The following CALN1 variants were observed in gnomAD, a reference collection of about 807,000 sequenced individuals.
CALN1 encodes calneuron 1, also known as calcium-binding protein 8.
CALN1 carries 17 observed loss-of-function variants against 30.6 expected under a neutral mutation model. That is an observed-to-expected ratio of 0.56 (90% CI 0.38 to 0.83). The LOEUF is 0.83. Among genes scored for constraint, CALN1 ranks in the 40% least tolerant of loss-of-function variants. CALN1 has a pLI of 0.00. For synonymous variants in CALN1, 156 were observed against 131.4 expected (o/e 1.19, Z -1.28); for missense variants, 291 against 354.9 (o/e 0.82, Z 1.45).
intron 2 of CALN1, among the ~76,000 whole-genome samples, chr7:72,376,777 C>T (rs776344995): frequency 1.3e-5 from 2 of 152,170 alleles, no homozygotes; most frequent in South Asian, 4.1e-4. Context: ...TAGGAAATTG[C>T]TGCCTAACCC....
rs376093442 is a variant in CALN1, at chr7:72,062,511, C to CAA, written c.389-38744_389-38743dup. Among the ~76,000 whole-genome samples, 503 of 59,140 alleles carry CAA rather than the reference C, an allele frequency of 8.5e-3. 15 individuals are homozygous for CAA. The highest frequency in any genetic ancestry group is 0.021 in the Middle Eastern group (2 of 96). The allele number at this position is 59,140 out of a possible 152,430, so 38.8% of individuals were successfully genotyped here. On this transcript the variant is annotated intron_variant, in intron 4 of 6. Coordinates refer to ENST00000395275, the MANE Select transcript of CALN1 (RefSeq NM_031468.4). Reference sequence around the variant, plus strand: ...TGGACGACAGAGTGAGACTCTATCTCAAAAAAAAAAAAAAAAAAAGAAAAA... The same window carrying CAA: ...TGGACGACAGAGTGAGACTCTATCTCAAAAAAAAAAAAAAAAAAAAAGAAAAA...
At chr7:72,012,258 C>T (rs1800123531) in intron 5 of CALN1, among the ~76,000 whole-genome samples, 1 of 152,156 alleles carries the variant, frequency 6.6e-6, no homozygotes, top group African/African-American at 2.4e-5. Context: ...TGGCTCAAAC[C>T]TATAATCCCA....
chr7:72,242,631 T>TA (rs1794914810), intron 3 of CALN1, among the ~76,000 whole-genome samples: 1 of 152,218 alleles, frequency 6.6e-6, no homozygotes, highest in Non-Finnish European at 1.5e-5. Flanking sequence ...CTCAAACATG[T>TA]AATCCTAACA....
At chr7:72,137,007 G>C (rs563413016) in intron 3 of CALN1, among the ~76,000 whole-genome samples, 98 of 152,276 alleles carry the variant, frequency 6.4e-4, no homozygotes, top group African/African-American at 2.1e-3. Flanking sequence ...GTTAAGGACA[G>C]GTTTATTTTA....
At chr7:72,158,658 CTTCTT>C (rs1787891110) in intron 3 of CALN1, among the ~76,000 whole-genome samples, 1 of 152,142 alleles carries the variant, frequency 6.6e-6, no homozygotes, top group African/African-American at 2.4e-5. Context: ...ACACATCCCT[CTTCTT>C]TGCTTGATGT....
intron 5 of CALN1, among the ~76,000 whole-genome samples, chr7:71,973,332 C>G (rs1284954611): frequency 6.6e-6 from 1 of 152,072 alleles, no homozygotes; most frequent in South Asian, 2.1e-4. Context: ...CGCACCATCA[C>G]GCCGAGCTAA....
chr7:72,326,268 T>C (rs1801271025), intron 2 of CALN1, among the ~76,000 whole-genome samples: 2 of 152,200 alleles, frequency 1.3e-5, no homozygotes, highest in African/African-American at 4.8e-5. Context: ...AAAGGTTGCT[T>C]GTCTTGGATA....
chr7:72,403,996 C>CTGG (rs1806529906), intron 1 of CALN1, among the ~76,000 whole-genome samples: 1 of 152,176 alleles, frequency 6.6e-6, no homozygotes, highest in Non-Finnish European at 1.5e-5. Context: ...ATCCCATTAC[C>CTGG]AGCTCCAGGG....
chr7:71,830,599 C>CG (rs1789215899), intron 5 of CALN1, among the ~76,000 whole-genome samples: 1 of 152,134 alleles, frequency 6.6e-6, no homozygotes, highest in Non-Finnish European at 1.5e-5. Flanking sequence ...CCACCTGCCT[C>CG]GGCCTCCCAA....
At position 72,205,551 on chromosome 7, in the gene CALN1, A is replaced by AAATATATACATATATATACATATAT; in HGVS notation, c.244+73134_244+73135insATATATGTATATATATGTATATATT. Among the ~76,000 whole-genome samples, 69 of 83,036 alleles carry AAATATATACATATATATACATATAT rather than the reference A, an allele frequency of 8.3e-4. 8 individuals carry two copies. Among genetic ancestry groups the AAATATATACATATATATACATATAT allele is most frequent in the African/African-American group, 4.5e-3 (60 of 13,442 alleles). The allele number at this position is 83,036 out of a possible 152,430, so 54.5% of individuals were successfully genotyped here. A position where few individuals can be genotyped will look rare whatever the true frequency, so the allele number is the denominator to read the frequency against. ...ATTTTTCTCCTGATTGCAAAAAAAA[A>AAATATATACATATATATACATATAT]ATATATATATATATATGTATATATA... On this transcript the variant is annotated intron_variant, in intron 3 of 6. Transcript: ENST00000395275.
At chr7:71,868,801 T>C (rs35303282) in intron 5 of CALN1, among the ~76,000 whole-genome samples, 3,255 of 152,242 alleles carry the variant, frequency 0.021, 83 homozygotes, top group Admixed American at 0.08. Flanking sequence ...AGGACACAGA[T>C]TGAAACCATA....
At chr7:72,409,354 G>GCCA (rs1477446275) in intron 1 of CALN1, among the ~76,000 whole-genome samples, 1 of 151,458 alleles carries the variant, frequency 6.6e-6, no homozygotes, top group Non-Finnish European at 1.5e-5. Context: ...GTTGCTGAAG[G>GCCA]CCACAGAGGC....
At chr7:72,227,583 A>G (rs2129550355) in intron 3 of CALN1, among the ~76,000 whole-genome samples, 1 of 151,726 alleles carries the variant, frequency 6.6e-6, no homozygotes, top group South Asian at 2.1e-4. Context: ...GGTGGTAACA[A>G]TAGACATTGG....
At chr7:72,316,284 G>A (rs1337550269) in intron 2 of CALN1, among the ~76,000 whole-genome samples, 1 of 151,956 alleles carries the variant, frequency 6.6e-6, no homozygotes, top group African/African-American at 2.4e-5. Flanking sequence ...TGAAAATGTT[G>A]AAGTGGGAGA....
chr7:71,871,076 A>T (rs1484625616), intron 5 of CALN1, among the ~76,000 whole-genome samples: 1 of 152,200 alleles, frequency 6.6e-6, no homozygotes. Context: ...AAGGTAAGCA[A>T]AATTGCAGGG....
rs1011852792 is a variant in CALN1, at chr7:72,174,201, C to T, written c.245-67907G>A. On this transcript the variant is annotated intron_variant, in intron 3 of 6. Transcript: ENST00000395275. Reference sequence around the variant, plus strand: ...GAAACAACAGTTATATACCACCACACTTCAGCAGAATGGTTAAAATTAGAC... The same window carrying T: ...GAAACAACAGTTATATACCACCACATTTCAGCAGAATGGTTAAAATTAGAC... Among the ~76,000 whole-genome samples the T allele has an allele frequency of 3.3e-5, 5 of 152,144 alleles. No homozygotes were observed. The East Asian group carries it at 7.7e-4, about 23-fold the overall frequency.
chr7:71,873,440 C>G (rs969457535), intron 5 of CALN1, among the ~76,000 whole-genome samples: 20 of 151,986 alleles, frequency 1.3e-4, no homozygotes. Context: ...TAAATTGGAC[C>G]ACGAAAATAA....
At chr7:72,356,188 G>A (rs988057632) in intron 2 of CALN1, among the ~76,000 whole-genome samples, 5 of 152,176 alleles carry the variant, frequency 3.3e-5, no homozygotes, top group African/African-American at 1.2e-4. Context: ...AATTGCTATA[G>A]TGAGCTATTC....
chr7:71,881,114 T>A (rs554366826), intron 5 of CALN1, among the ~76,000 whole-genome samples: 30 of 152,286 alleles, frequency 2.0e-4, no homozygotes, highest in African/African-American at 7.0e-4. Flanking sequence ...GCTGGATGCT[T>A]CCTGCCCTTG....
Sources: allele counts gnomAD v4.1 joint callset (sites outside exome capture counted in the v4.1 genomes callset), GRCh38; gene constraint gnomAD v4.1.1; transcripts MANE v1.5; gene names NCBI Gene and HGNC (gene_info 2026-07-23, HGNC 2026-07-21).